Variants in SPRED1 observed in about 807,000 individuals in gnomAD.
SPRED1 encodes the protein sprouty related EVH1 domain containing 1.
SPRED1 carries 18 observed loss-of-function variants against 52.3 expected under a neutral mutation model. That is an observed-to-expected ratio of 0.34 (90% CI 0.24 to 0.51). SPRED1 has a LOEUF of 0.51. Among genes scored for constraint, SPRED1 ranks in the 20% least tolerant of loss-of-function variants. The pLI, the probability that SPRED1 is intolerant of heterozygous loss-of-function variation, is 0.97. For synonymous variants in SPRED1, 155 were observed against 179.7 expected, an observed-to-expected ratio of 0.86 and a Z score of 1.10; for missense variants, 485 against 551.0, an observed-to-expected ratio of 0.88 and a Z score of 1.20.
Position 38,351,948 on chromosome 15 carries a change from G to A in SPRED1, c.*284G>A. On this transcript the variant is annotated 3_prime_UTR_variant, in exon 7 of 7. Transcript: ENST00000299084. The stretch of plus-strand genomic sequence containing the variant: ...CATAAAATATGATCCAACTAAAAGG[G>A]ATTAATTTTTGGCATTTTTGTATAT... 1 of 470,258 alleles carries A rather than the reference G, an allele frequency of 2.1e-6. No homozygotes were observed. The highest frequency in any genetic ancestry group is 3.8e-6 in the Non-Finnish European group (1 of 263,244). The allele number at this position is 470,258 out of a possible 1,614,324, so 29.1% of individuals were successfully genotyped here.
chr15:38,306,899 ACAT>A (rs1403981656), intron 2 of SPRED1, among the ~76,000 whole-genome samples: 1 of 152,138 alleles, frequency 6.6e-6, no homozygotes, highest in African/African-American at 2.4e-5. Flanking sequence ...TTTTAAACTA[ACAT>A]CATTCCTTTC....
intron 1 of SPRED1, among the ~76,000 whole-genome samples, chr15:38,274,330 G>A (rs957022320): frequency 6.6e-6 from 1 of 152,168 alleles, no homozygotes; most frequent in Non-Finnish European, 1.5e-5. Flanking sequence ...GGAAGTGTCA[G>A]GTATCTTGCA....
At chr15:38,334,804 A>G (rs1027849669) in intron 4 of SPRED1, among the ~76,000 whole-genome samples, 3 of 151,910 alleles carry the variant, frequency 2.0e-5, no homozygotes, top group Non-Finnish European at 4.4e-5. Context: ...GTTAAAAAAT[A>G]GTGCTACTGT....
At chr15:38,255,502 A>G (rs1894076452) in intron 1 of SPRED1, among the ~76,000 whole-genome samples, 1 of 152,120 alleles carries the variant, frequency 6.6e-6, no homozygotes, top group African/African-American at 2.4e-5. Flanking sequence ...TTTTACTTTA[A>G]AAAACTCTAT....
chr15:38,295,334 C>T (rs538246927), intron 1 of SPRED1, among the ~76,000 whole-genome samples: 3 of 152,182 alleles, frequency 2.0e-5, no homozygotes, highest in East Asian at 1.9e-4. Flanking sequence ...TGTGTTGGGC[C>T]GCATTCAAAG....
At chr15:38,305,262 G>A (rs62003540) in intron 2 of SPRED1, among the ~76,000 whole-genome samples, 8 of 151,778 alleles carry the variant, frequency 5.3e-5, no homozygotes. Flanking sequence ...AATGTGGGAG[G>A]CAGAGGTTGC....
chr15:38,283,269 C>T (rs1365959341), intron 1 of SPRED1, among the ~76,000 whole-genome samples: 1 of 152,148 alleles, frequency 6.6e-6, no homozygotes, highest in Non-Finnish European at 1.5e-5. Context: ...TGAGAACTCA[C>T]TATCACAAGA....
chr15:38,287,581 T>C (rs1312437636), intron 1 of SPRED1, among the ~76,000 whole-genome samples: 1 of 152,172 alleles, frequency 6.6e-6, no homozygotes, highest in Middle Eastern at 3.2e-3. Context: ...TCTGGTGGCC[T>C]TTGCATTCAT....
chr15:38,277,648 G>T (rs1157505027), intron 1 of SPRED1, among the ~76,000 whole-genome samples: 1 of 152,186 alleles, frequency 6.6e-6, no homozygotes, highest in Non-Finnish European at 1.5e-5. Context: ...TAATGAAGTT[G>T]CTGGCTTGAA....
intron 4 of SPRED1, among the ~76,000 whole-genome samples, chr15:38,327,482 T>G (rs1198738924): frequency 6.6e-6 from 1 of 152,122 alleles, no homozygotes; most frequent in Non-Finnish European, 1.5e-5. Flanking sequence ...GGATTCCATC[T>G]TGCTTTCTCT....
intron 5 of SPRED1, among the ~76,000 whole-genome samples, chr15:38,340,774 C>A (rs1486391746): frequency 6.6e-6 from 1 of 152,068 alleles, no homozygotes; most frequent in African/African-American, 2.4e-5. Context: ...GACCTATCCA[C>A]CCGCCTCAGC....
intron 2 of SPRED1, among the ~76,000 whole-genome samples, chr15:38,317,978 ATT>A (rs1895523743): frequency 6.6e-6 from 1 of 151,952 alleles, no homozygotes; most frequent in Non-Finnish European, 1.5e-5. Flanking sequence ...TTTCTAATAT[ATT>A]GTGTCACTTA....
chr15:38,262,679 A>G (rs540799793), intron 1 of SPRED1, among the ~76,000 whole-genome samples: 2 of 152,348 alleles, frequency 1.3e-5, no homozygotes, highest in East Asian at 3.9e-4. Flanking sequence ...GGCTAGGCCT[A>G]AAATATGAGA....
At chr15:38,335,432 T>C (rs1445911903) in intron 4 of SPRED1, among the ~76,000 whole-genome samples, 1 of 151,964 alleles carries the variant, frequency 6.6e-6, no homozygotes, top group Non-Finnish European at 1.5e-5. Context: ...CAGTGAATAG[T>C]AGGTATTGAG....
chr15:38,293,461 C>T (rs1464675036), intron 1 of SPRED1, among the ~76,000 whole-genome samples: 1 of 152,114 alleles, frequency 6.6e-6, no homozygotes, highest in Non-Finnish European at 1.5e-5. Context: ...TGTTATTAAA[C>T]AGTGCCATGT....
intron 1 of SPRED1, among the ~76,000 whole-genome samples, chr15:38,276,357 T>TTA (rs908082158): frequency 5.3e-5 from 8 of 152,136 alleles, no homozygotes; most frequent in African/African-American, 1.9e-4. Flanking sequence ...TGCGGAAGTG[T>TTA]TATATATATA....
chr15:38,338,302 T>C (rs1432307354), intron 4 of SPRED1, among the ~76,000 whole-genome samples: 3 of 149,162 alleles, frequency 2.0e-5, no homozygotes, highest in Non-Finnish European at 3.0e-5. Flanking sequence ...TGTTTTGTTT[T>C]GTTTTTTTTC....
chr15:38,304,970 A>G (rs952243278), intron 2 of SPRED1, among the ~76,000 whole-genome samples: 1 of 151,942 alleles, frequency 6.6e-6, no homozygotes, highest in Non-Finnish European at 1.5e-5. Flanking sequence ...TATGTTGCTA[A>G]GTTTTTTTTA....
At chr15:38,308,615 C>CT (rs1895300233) in intron 2 of SPRED1, among the ~76,000 whole-genome samples, 2 of 151,960 alleles carry the variant, frequency 1.3e-5, no homozygotes, top group South Asian at 4.1e-4. Flanking sequence ...CAGGATTGAC[C>CT]TTTTTTCTTT....
Sources: gnomAD v4.1 joint callset for allele counts (sites outside exome capture counted in the v4.1 genomes callset) on GRCh38, gnomAD v4.1.1 for gene constraint, MANE v1.5 for transcripts, NCBI Gene and HGNC (gene_info 2026-07-23, HGNC 2026-07-21) for gene names.